Variants in ADK observed in about 807,000 individuals in gnomAD.
The protein encoded by ADK is N6,N6-dimethyladenosine kinase.
A neutral mutation model predicts 44.7 loss-of-function variants in ADK; 24 were observed. The observed-to-expected ratio is 0.54, with a 90% CI of 0.39 to 0.76. ADK has a LOEUF of 0.76. Ranked by LOEUF, ADK falls within the 30% of genes least tolerant of loss-of-function variation. The pLI is 0.00. For synonymous variants in ADK, 128 were observed against 142.6 expected (o/e 0.90, Z 0.73); for missense variants, 321 against 425.1 (o/e 0.76, Z 2.15).
chr10:74,271,416 CTTA>C (rs1014957680), intron 3 of ADK, among the ~76,000 whole-genome samples: 2 of 150,964 alleles, frequency 1.3e-5, no homozygotes, highest in Non-Finnish European at 3.0e-5. Context: ...GTTGTTTTTT[CTTA>C]TTATTATTAT....
At chr10:74,234,939 A>C (rs1464576156) in intron 3 of ADK, among the ~76,000 whole-genome samples, 2 of 152,194 alleles carry the variant, frequency 1.3e-5, no homozygotes, top group Non-Finnish European at 2.9e-5. Flanking sequence ...CTTTGTACAC[A>C]CAAAGTTTTA....
At chr10:74,333,674 T>C (rs1188633106) in intron 4 of ADK, among the ~76,000 whole-genome samples, 1 of 152,232 alleles carries the variant, frequency 6.6e-6, no homozygotes, top group Non-Finnish European at 1.5e-5. Context: ...ATTTTTAATT[T>C]ATTGTTTTGC....
At chr10:74,431,520 C>A (rs1335380263) in intron 6 of ADK, among the ~76,000 whole-genome samples, 1 of 152,128 alleles carries the variant, frequency 6.6e-6, no homozygotes, top group Non-Finnish European at 1.5e-5. Flanking sequence ...GTGGGCAGAT[C>A]ACTTGAGGTC....
At chr10:74,644,003 G>C (rs1052122733) in intron 9 of ADK, among the ~76,000 whole-genome samples, 2 of 152,150 alleles carry the variant, frequency 1.3e-5, no homozygotes, top group African/African-American at 2.4e-5. Flanking sequence ...ATCATCCTCT[G>C]TATTATAGCC....
chr10:74,635,272 A>T (rs913986540), intron 9 of ADK, among the ~76,000 whole-genome samples: 1 of 152,242 alleles, frequency 6.6e-6, no homozygotes, highest in African/African-American at 2.4e-5. Context: ...GGGAAATTAT[A>T]TGAACAACTA....
chr10:74,586,699 A>G (rs1851536093), intron 7 of ADK, among the ~76,000 whole-genome samples: 1 of 152,000 alleles, frequency 6.6e-6, no homozygotes, highest in South Asian at 2.1e-4. Flanking sequence ...TGCTAAAAAT[A>G]CAAAATTAGC....
chr10:74,301,724 C>T (rs904304974), intron 3 of ADK, among the ~76,000 whole-genome samples: 15 of 151,966 alleles, frequency 9.9e-5, no homozygotes, highest in African/African-American at 3.6e-4. Flanking sequence ...AGAGCCCAAA[C>T]TATTTACTAC....
intron 1 of ADK, among the ~76,000 whole-genome samples, chr10:74,162,797 C>T (rs1292884221): frequency 1.3e-5 from 2 of 152,018 alleles, no homozygotes; most frequent in Non-Finnish European, 2.9e-5. Flanking sequence ...CCTGGCTTGG[C>T]CTCCCAAAGT....
chr10:74,578,300 A>G (rs1851265381), intron 7 of ADK, among the ~76,000 whole-genome samples: 1 of 152,112 alleles, frequency 6.6e-6, no homozygotes, highest in South Asian at 2.1e-4. Flanking sequence ...TTGATTATTT[A>G]TCTTGTCTTT....
rs1185036462 is a variant in ADK, at chr10:74,303,588, GTTTTTTTTTTTTT to G, written c.195-11065_195-11053del. Among the ~76,000 whole-genome samples the G allele has an allele frequency of 8.1e-3, 558 of 68,590 alleles. 19 individuals are homozygous for G. The highest frequency in any genetic ancestry group is 0.04 in the African/African-American group (507 of 12,712). 45.0% of individuals were successfully genotyped at this position (68,590 alleles called of 152,430 possible). A position where few individuals can be genotyped will look rare whatever the true frequency, so the allele number is the denominator to read the frequency against. On this transcript the variant is annotated intron_variant, in intron 3 of 10. Transcript: ENST00000539909. ...CACTTTTCATATTGGTTTTAATGTT[GTTTTTTTTTTTTT>G]TTTTTTTTTTTTTGCTAGAAAGGCA...
intron 3 of ADK, among the ~76,000 whole-genome samples, chr10:74,252,121 T>A (rs1430937180): frequency 2.6e-5 from 4 of 152,106 alleles, no homozygotes; most frequent in African/African-American, 9.7e-5. Context: ...TCTCCCCTCA[T>A]TTTTGGATGT....
At chr10:74,465,359 G>A (rs1846314757) in intron 6 of ADK, among the ~76,000 whole-genome samples, 1 of 152,142 alleles carries the variant, frequency 6.6e-6, no homozygotes, top group Admixed American at 6.5e-5. Context: ...ATTACACTGG[G>A]AAAGAGTCTA....
chr10:74,216,363 T>A (rs533223239), intron 2 of ADK, among the ~76,000 whole-genome samples: 46 of 152,152 alleles, frequency 3.0e-4, no homozygotes, highest in Non-Finnish European at 5.0e-4. Context: ...ATTAAAAAAA[T>A]TTTTTTTCTC....
At chr10:74,305,479 C>A (rs1840213468) in intron 3 of ADK, among the ~76,000 whole-genome samples, 1 of 152,084 alleles carries the variant, frequency 6.6e-6, no homozygotes, top group South Asian at 2.1e-4. Flanking sequence ...CCTCCCTTAC[C>A]CCCACAGCTT....
At chr10:74,553,500 A>G (rs911141612) in intron 7 of ADK, among the ~76,000 whole-genome samples, 1 of 152,048 alleles carries the variant, frequency 6.6e-6, no homozygotes, top group East Asian at 1.9e-4. Flanking sequence ...CGCCTGGCCT[A>G]TGTATTCATT....
At chr10:74,384,383 A>G (rs779884518) in intron 4 of ADK, among the ~76,000 whole-genome samples, 1 of 152,110 alleles carries the variant, frequency 6.6e-6, no homozygotes, top group Non-Finnish European at 1.5e-5. Context: ...AAATGCAGGC[A>G]TATAGGCTGG....
intron 1 of ADK, among the ~76,000 whole-genome samples, chr10:74,184,547 G>T (rs1842680195): frequency 6.6e-6 from 1 of 150,394 alleles, no homozygotes; most frequent in Non-Finnish European, 1.5e-5. Flanking sequence ...GTGTGTGTCA[G>T]GGGGGTGGGT....
Position 74,224,742 on chromosome 10 carries a change from T to G in ADK, c.194+151T>G. The G allele has an allele frequency of 4.4e-6, 3 of 688,858 alleles. No homozygotes were observed. The South Asian group carries it at 4.9e-5, about 11-fold the overall frequency. 42.7% of individuals were successfully genotyped at this position (688,858 alleles called of 1,614,324 possible). A position where few individuals can be genotyped will look rare whatever the true frequency, so the allele number is the denominator to read the frequency against. On this transcript the variant is annotated intron_variant, in intron 3 of 10. Transcript: ENST00000539909. ...TCCTAACAATTATGATAACCTACAC[T>G]ATATAATTTACACTACATAAAGTTT...
intron 6 of ADK, among the ~76,000 whole-genome samples, chr10:74,411,490 C>T (rs1844175276): frequency 1.3e-5 from 2 of 152,166 alleles, no homozygotes; most frequent in Admixed American, 1.3e-4. Context: ...CTATATGGTA[C>T]TCTCAAGTGT....
Sources: allele counts gnomAD v4.1 joint callset (sites outside exome capture counted in the v4.1 genomes callset), GRCh38; gene constraint gnomAD v4.1.1; transcripts MANE v1.5; gene names NCBI Gene and HGNC (gene_info 2026-07-23, HGNC 2026-07-21).